Variants in PIGN observed in about 807,000 individuals in gnomAD.
PIGN encodes the protein phosphatidylinositol glycan anchor biosynthesis class N, also known as GPI ethanolamine phosphate transferase 1.
A neutral mutation model predicts 125.4 loss-of-function variants in PIGN; 117 were observed. That is an observed-to-expected ratio of 0.93 (90% CI 0.80 to 1.09). The LOEUF (loss-of-function observed/expected upper bound fraction) is 1.09, where lower values mean the gene tolerates loss of function less well. PIGN is among the 50% of genes least tolerant of loss of function. PIGN has a pLI of 0.00. For missense variants in PIGN, 1,075 were observed against 1,094.9 expected, an observed-to-expected ratio of 0.98 and a Z score of 0.26; for synonymous variants, 392 against 377.8, an observed-to-expected ratio of 1.04 and a Z score of -0.44.
At chr18:62,140,533 T>C (rs2036096118) in intron 11 of PIGN, 54 bp from the exon 12 acceptor site, 2 of 846,166 alleles carry the variant, frequency 2.4e-6, no homozygotes, top group Non-Finnish European at 3.8e-6. Context: ...ACAAAGAAAT[T>C]AAATAATGTA....
chr18:62,033,760 C>T (rs2030223540), intron 23 of PIGN, among the ~76,000 whole-genome samples: 1 of 152,168 alleles, frequency 6.6e-6, no homozygotes, highest in Non-Finnish European at 1.5e-5. Context: ...CTTTATTCAC[C>T]AGCTGTATCA....
rs3867262 is a variant in PIGN at position 62,089,073 on chromosome 18, G to C, written c.2284-231C>G. ...TAATAATATATAGAACACAGTTGTAGTGTTGCTATATGTGTAATAAAAGTG... is the reference window on the plus strand; with the variant it reads ...TAATAATATATAGAACACAGTTGTACTGTTGCTATATGTGTAATAAAAGTG... On this transcript the variant is annotated intron_variant, in intron 24 of 30. Transcript: ENST00000640252. 0.33 allele frequency among the ~76,000 whole-genome samples: 50,582 copies of C among 151,914 alleles called. 9,373 individuals are homozygous for C. Among genetic ancestry groups the C allele is most frequent in the East Asian group, 0.63 (3,274 of 5,176 alleles).
intron 30 of PIGN, among the ~76,000 whole-genome samples, chr18:62,053,313 T>C (rs902652115): frequency 1.8e-4 from 27 of 152,078 alleles, no homozygotes; most frequent in Non-Finnish European, 4.4e-5. Context: ...AAGAGATACA[T>C]TAATAACACC....
At position 62,071,900 on chromosome 18, in the gene PIGN, A is replaced by G. The variant is rs866777044; in HGVS notation, c.2672+773T>C. The stretch of plus-strand genomic sequence containing the variant: ...TATATATATATATATATATATATAT[A>G]TATATATATAAATTTAACTGTAAAA... On this transcript the variant is annotated intron_variant, in intron 30 of 30. Coordinates refer to ENST00000640252, the MANE Select transcript of PIGN (RefSeq NM_176787.5). Among the ~76,000 whole-genome samples, 716 of 111,620 alleles carry G rather than the reference A, an allele frequency of 6.4e-3. 33 individuals carry two copies. Among genetic ancestry groups the G allele is most frequent in the African/African-American group, 0.023 (684 of 29,710 alleles). The allele number at this position is 111,620 out of a possible 152,430, so 73.2% of individuals were successfully genotyped here.
intron 14 of PIGN, among the ~76,000 whole-genome samples, chr18:62,126,774 C>T (rs1057441412): frequency 2.6e-5 from 4 of 152,028 alleles, no homozygotes; most frequent in Admixed American, 1.3e-4. Flanking sequence ...TTCAGATTTC[C>T]GATTGTCTAT....
At position 62,085,196 on chromosome 18, in the gene PIGN, C is replaced by A. The variant is rs1476115605; in HGVS notation, c.2426+13G>T. 3 of 1,435,254 alleles carry A rather than the reference C, an allele frequency of 2.1e-6. No individual in the cohort carries two copies. The highest frequency in any genetic ancestry group is 1.4e-5 in the African/African-American group (1 of 70,288). The allele number at this position is 1,435,254 out of a possible 1,614,324, so 88.9% of individuals were successfully genotyped here. A position where few individuals can be genotyped will look rare whatever the true frequency, so the allele number is the denominator to read the frequency against. ...TTTAGTTATATATATATGCCACTTT[C>A]ATTTAAAATTACCTGTTAATAGAAG... On this transcript the variant is annotated intron_variant, in intron 26 of 30. Transcript: ENST00000640252.
chr18:62,176,981 T>C (rs886698643), intron 1 of PIGN, among the ~76,000 whole-genome samples: 33 of 151,494 alleles, frequency 2.2e-4, no homozygotes, highest in African/African-American at 8.0e-4. Context: ...AAAAAAAAAA[T>C]TGGAGTCTGA....
At chr18:62,081,158 C>A (rs1382916187) in intron 28 of PIGN, among the ~76,000 whole-genome samples, 10 of 152,008 alleles carry the variant, frequency 6.6e-5, no homozygotes, top group Admixed American at 1.3e-4. Context: ...ACAAATAAGT[C>A]ATTAGTATAT....
rs1179151487 is a variant in PIGN, at chr18:62,146,963, A to G, written c.805+8T>C. ...TGTAAGGTACATATCAATTAAAGAC[A>G]CACTAACCCCAGTCTGTCATTCCAT... On this transcript the variant is annotated splice_region_variant and intron_variant, in intron 9 of 30. Coordinates refer to ENST00000640252, the MANE Select transcript of PIGN (RefSeq NM_176787.5). 2 of 1,610,884 alleles carry G rather than the reference A, an allele frequency of 1.2e-6. No individual in the cohort carries two copies. The highest frequency in any genetic ancestry group is 2.2e-5 in the South Asian group (2 of 90,942).
intron 1 of PIGN, among the ~76,000 whole-genome samples, chr18:62,176,164 T>C (rs2037518262): frequency 6.6e-6 from 1 of 152,128 alleles, no homozygotes; most frequent in African/African-American, 2.4e-5. Flanking sequence ...TCTCTAACAT[T>C]ATGTTAGAGA....
chr18:62,071,177 A>G (rs1279356359), intron 30 of PIGN, among the ~76,000 whole-genome samples: 1 of 152,240 alleles, frequency 6.6e-6, no homozygotes, highest in Non-Finnish European at 1.5e-5. Context: ...AGAGGCAGAT[A>G]ATGATCACAT....
intron 27 of PIGN, among the ~76,000 whole-genome samples, chr18:62,083,129 T>C (rs1038394307): frequency 7.2e-5 from 11 of 152,120 alleles, no homozygotes; most frequent in Non-Finnish European, 8.8e-5. Flanking sequence ...ATAATTTGAT[T>C]CACAGATCCT....
In PIGN at chr18:62,161,303, G is replaced by A. The variant is rs370228697; in HGVS notation, c.51C>T (p.Ala17=). 152 of 1,613,478 alleles carry A rather than the reference G, an allele frequency of 9.4e-5. No individual in the cohort carries two copies. Among genetic ancestry groups the A allele is most frequent in the Non-Finnish European group, 1.2e-4 (146 of 1,179,728 alleles). Residue 17 remains alanine, a synonymous_variant, in exon 4 of 31, where the codon GCC becomes GCT. Coordinates refer to ENST00000640252, the MANE Select transcript of PIGN (RefSeq NM_176787.5). ...LGLLIHFVFF[A]SIFDIYFTSP... The stretch of plus-strand genomic sequence containing the variant: ...ATGTAAAATAAATGTCAAAGATGGA[G>A]GCGAAGAACACAAAATGTATAAGCA...
intron 30 of PIGN, among the ~76,000 whole-genome samples, chr18:62,048,691 TTTTC>T (rs1292599064): frequency 8.6e-5 from 8 of 93,064 alleles, no homozygotes; most frequent in Admixed American, 2.5e-4. Context: ...GGAAGTTTTC[TTTTC>T]TTTTTTTTTT....
intron 30 of PIGN, 66 bp downstream of exon 30, chr18:62,072,607 G>A: frequency 8.0e-7 from 1 of 1,248,256 alleles, no homozygotes; most frequent in South Asian, 1.4e-5. Flanking sequence ...TGAAGAAATT[G>A]CCTAACAATA....
chr18:62,063,461 CCAAAATCTA>C (rs2032319470), intron 30 of PIGN, among the ~76,000 whole-genome samples: 3 of 131,804 alleles, frequency 2.3e-5, no homozygotes, highest in Non-Finnish European at 5.0e-5. Flanking sequence ...TAGATTTTAT[CCAAAATCTA>C]TGGTTTTATA....
Position 62,017,630 on chromosome 18 carries a change from CTATTT to C in PIGN, c.2249_2253del (p.Lys751GlyfsTer71), listed in dbSNP as rs2029996997. 6.6e-6 allele frequency: 1 copy of C among 152,116 alleles called. No homozygotes were observed. The highest frequency in any genetic ancestry group is 2.4e-5 in the African/African-American group (1 of 41,416). 9.4% of individuals were successfully genotyped at this position (152,116 alleles called of 1,614,324 possible). ...TCCATGGTGCCAGGGGTAACTCACC[CTATTT>C]TGAGCTCTGTCCTCTTTCATCCGAG... is the stretch of plus-strand genomic sequence containing the variant. On this transcript the variant is annotated frameshift_variant and stop_lost and splice_region_variant, in exon 24 of 25. Coordinates refer to the PIGN transcript ENST00000639600. LOFTEE classifies it high-confidence loss of function.
chr18:62,057,190 C>A (rs1240351081), intron 30 of PIGN, among the ~76,000 whole-genome samples: 1 of 152,078 alleles, frequency 6.6e-6, no homozygotes, highest in African/African-American at 2.4e-5. Flanking sequence ...TGTAATTTGT[C>A]TCATTCTAAC....
chr18:62,074,934 T>A (rs750402374), intron 28 of PIGN, 113 bp from the exon 29 acceptor site: 4 of 687,218 alleles, frequency 5.8e-6, no homozygotes, highest in Non-Finnish European at 1.0e-5. Flanking sequence ...TATTTTTGCT[T>A]CTGAAAATAC....
Sources: allele counts gnomAD v4.1 joint callset (sites outside exome capture counted in the v4.1 genomes callset), GRCh38; gene constraint gnomAD v4.1.1; transcripts MANE v1.5; gene names NCBI Gene and HGNC (gene_info 2026-07-23, HGNC 2026-07-21).